SAXO1: variants seen among roughly 807,000 people sequenced by gnomAD.
SAXO1 encodes 4930500O09Rik.
A neutral mutation model predicts 17.5 loss-of-function variants in SAXO1; 21 were observed. The observed-to-expected ratio is 1.20, with a 90% CI of 0.85 to 1.72. The LOEUF (loss-of-function observed/expected upper bound fraction) is 1.72. Among genes scored for constraint, SAXO1 ranks in the 40% most tolerant of loss-of-function variants. The pLI, the probability that SAXO1 is intolerant of heterozygous loss-of-function variation, is 0.00. For missense variants in SAXO1, 843 were observed against 596.0 expected (o/e 1.41, Z -4.32); for synonymous variants, 274 against 216.5 (o/e 1.27, Z -2.33).
intron 1 of SAXO1, among the ~76,000 whole-genome samples, chr9:19,008,333 G>T (rs1834574760): frequency 6.6e-6 from 1 of 152,082 alleles, no homozygotes; most frequent in South Asian, 2.1e-4. Flanking sequence ...TATCAACTCA[G>T]TAAAGGACGA....
In SAXO1 at chr9:18,928,997, G is replaced by C. The variant is rs750413004; in HGVS notation, c.480C>G (p.Tyr160Ter). 5.0e-6 allele frequency: 8 copies of C among 1,614,190 alleles called. No individual in the cohort carries two copies. Among genetic ancestry groups the C allele is most frequent in the Non-Finnish European group, 6.8e-6 (8 of 1,180,032 alleles). ...RREPLRLEHK[Y>*]QPASVRFDNR... ...TATCAAACCTGACTGATGCCGGCTG[G>C]TATTTGTGTTCCAGACGAAGTGGCT... Residue 160 changes from tyrosine (Y) to a stop codon, truncating the protein, a stop_gained, in exon 4 of 4, where the codon TAC becomes TAG. Coordinates refer to ENST00000380534, the MANE Select transcript of SAXO1 (RefSeq NM_153707.4). LOFTEE classifies it low-confidence loss of function (END_TRUNC).
At chr9:18,971,052 C>T (rs976545154) in intron 1 of SAXO1, among the ~76,000 whole-genome samples, 1 of 152,100 alleles carries the variant, frequency 6.6e-6, no homozygotes, top group Non-Finnish European at 1.5e-5. Flanking sequence ...TCCCCTCAAA[C>T]CCCCAACCCC....
intron 1 of SAXO1, among the ~76,000 whole-genome samples, chr9:18,980,941 TAA>T (rs1279612126): frequency 6.6e-6 from 1 of 152,146 alleles, no homozygotes; most frequent in Non-Finnish European, 1.5e-5. Flanking sequence ...TTTTCACCTT[TAA>T]AATGTGCTTA....
At chr9:19,003,369 TC>T (rs1028571744) in intron 1 of SAXO1, among the ~76,000 whole-genome samples, 2 of 152,212 alleles carry the variant, frequency 1.3e-5, no homozygotes, top group Non-Finnish European at 2.9e-5. Context: ...CCATTGACTT[TC>T]TTCACAGAAT....
At chr9:19,027,297 G>A (rs1835523491) in intron 1 of SAXO1, 1 of 862,578 alleles carries the variant, frequency 1.2e-6, no homozygotes, top group African/African-American at 1.7e-5. Context: ...AGACCTGGTG[G>A]GTGTGAACAA....
chr9:19,034,802 T>A (rs1023789560), upstream of SAXO1, among the ~76,000 whole-genome samples: 3 of 152,122 alleles, frequency 2.0e-5, no homozygotes, highest in African/African-American at 7.2e-5. Flanking sequence ...ACAGAGAACA[T>A]CACACAGTCC....
chr9:18,974,934 A>G (rs905972077), intron 1 of SAXO1, among the ~76,000 whole-genome samples: 1 of 152,180 alleles, frequency 6.6e-6, no homozygotes, highest in African/African-American at 2.4e-5. Context: ...ATCATAATCA[A>G]ATACAAAGGG....
intron 1 of SAXO1, among the ~76,000 whole-genome samples, chr9:18,978,922 T>C (rs149299364): frequency 6.6e-6 from 1 of 152,200 alleles, no homozygotes; most frequent in Non-Finnish European, 1.5e-5. Flanking sequence ...AAAGAAAGTT[T>C]ACTCCAGTTG....
chr9:18,932,248 G>C (rs918870946), intron 3 of SAXO1, among the ~76,000 whole-genome samples: 1 of 152,142 alleles, frequency 6.6e-6, no homozygotes, highest in Non-Finnish European at 1.5e-5. Context: ...TTTGCATGTG[G>C]ATATCCAACT....
intron 1 of SAXO1, among the ~76,000 whole-genome samples, chr9:19,041,847 G>T (rs576241144): frequency 6.6e-6 from 1 of 152,182 alleles, no homozygotes; most frequent in African/African-American, 2.4e-5. Context: ...ACTATTACAA[G>T]AAAACATTGG....
At chr9:19,004,550 C>T (rs571981209) in intron 1 of SAXO1, among the ~76,000 whole-genome samples, 1 of 152,152 alleles carries the variant, frequency 6.6e-6, no homozygotes, top group Non-Finnish European at 1.5e-5. Flanking sequence ...AAAAGGATGA[C>T]TTCATGTCTT....
chr9:19,011,431 C>T (rs1048913825), intron 1 of SAXO1, among the ~76,000 whole-genome samples: 4 of 152,154 alleles, frequency 2.6e-5, no homozygotes, highest in East Asian at 3.9e-4. Context: ...GAAAGAGACA[C>T]GCCCGATGCA....
rs530736142 is a variant in SAXO1, at chr9:18,953,529, C to A, written c.39-2592G>T. 2.0e-3 allele frequency among the ~76,000 whole-genome samples: 311 copies of A among 152,262 alleles called. 1 individual carries two copies. Among genetic ancestry groups the A allele is most frequent in the African/African-American group, 7.2e-3 (299 of 41,558 alleles). On this transcript the variant is annotated intron_variant, in intron 1 of 3. Transcript: ENST00000380534. ...TTGACTTATTGCTGGTTAACTGAAA[C>A]CTTGTCTCACTTTGAAATATCAAAA...
intron 2 of SAXO1, among the ~76,000 whole-genome samples, chr9:18,943,412 C>T (rs1414958647): frequency 1.3e-5 from 2 of 152,218 alleles, no homozygotes; most frequent in Non-Finnish European, 2.9e-5. Context: ...TCAGCTCCTA[C>T]TTCTGCTGTT....
intron 1 of SAXO1, among the ~76,000 whole-genome samples, chr9:18,988,195 AAGTG>A (rs1195005790): frequency 2.6e-5 from 4 of 152,352 alleles, no homozygotes; most frequent in Non-Finnish European, 5.9e-5. Context: ...GTGGCTCTGA[AAGTG>A]AGTATCAGCA....
chr9:19,032,889 C>G lies in SAXO1; in HGVS notation c.20G>C (p.Cys7Ser), dbSNP rs774143319. The G allele has an allele frequency of 7.5e-6, 12 of 1,610,714 alleles. No homozygotes were observed. The African/African-American group carries it at 1.3e-4, about 18-fold the overall frequency. Reference sequence around the variant, plus strand: ...ACCTTACCCGCAGGAGCACAGTTCACAGATGCACTTCGTCTTCATAGGGGC... The same window carrying G: ...ACCTTACCCGCAGGAGCACAGTTCAGAGATGCACTTCGTCTTCATAGGGGC... MKTKCI[C>S]ELCSCGRHHC... The change falls in exon 1 of 4, where the codon TGT (cysteine) becomes TCT (serine). Residue 7 changes from cysteine (C) to serine (S), a missense_variant. By Grantham distance (112) the Cys-to-Ser change is moderately radical (BLOSUM62 -1). Coordinates refer to ENST00000380534, the MANE Select transcript of SAXO1 (RefSeq NM_153707.4).
chr9:18,992,774 AT>A (rs10707056), intron 1 of SAXO1, among the ~76,000 whole-genome samples: 77,893 of 149,260 alleles, frequency 0.52, 21,476 homozygotes, highest in Non-Finnish European at 0.63. Context: ...CTTAAGAGCT[AT>A]TTTTTTTTTT....
chr9:18,946,437 A>G (rs1392685855), intron 2 of SAXO1, among the ~76,000 whole-genome samples: 1 of 152,074 alleles, frequency 6.6e-6, no homozygotes, highest in Non-Finnish European at 1.5e-5. Context: ...CCTCACATAT[A>G]TGGGGTAGAT....
At chr9:19,020,607 C>T (rs1345350788) in intron 1 of SAXO1, among the ~76,000 whole-genome samples, 3 of 152,174 alleles carry the variant, frequency 2.0e-5, no homozygotes, top group Admixed American at 6.5e-5. Context: ...GATTTGCCCA[C>T]CTCAGCCTCC....
Sources: gnomAD v4.1 joint callset for allele counts (sites outside exome capture counted in the v4.1 genomes callset) on GRCh38, gnomAD v4.1.1 for gene constraint, MANE v1.5 for transcripts, NCBI Gene and HGNC (gene_info 2026-07-23, HGNC 2026-07-21) for gene names.